Variants in BCL11B observed in about 807,000 individuals in gnomAD.
The protein encoded by BCL11B is B-cell lymphoma/leukemia 11B.
BCL11B carries 8 observed loss-of-function variants against 49.9 expected under a neutral mutation model. The ratio of observed to expected loss-of-function variants is 0.16; its 90% CI spans 0.09 to 0.29. The LOEUF (loss-of-function observed/expected upper bound fraction) is 0.29, where lower values mean the gene tolerates loss of function less well. Ranked by LOEUF, BCL11B falls within the 10% of genes least tolerant of loss-of-function variation. The pLI, the probability that BCL11B is intolerant of heterozygous loss-of-function variation, is 1.00. For synonymous variants in BCL11B, 739 were observed against 637.4 expected, an observed-to-expected ratio of 1.16 and a Z score of -2.40; for missense variants, 1,006 against 1,351.0, an observed-to-expected ratio of 0.74 and a Z score of 4.00.
At chr14:99,198,127 C>G (rs1360034990) in intron 3 of BCL11B, among the ~76,000 whole-genome samples, 1 of 152,198 alleles carries the variant, frequency 6.6e-6, no homozygotes, top group African/African-American at 2.4e-5. Flanking sequence ...GGGTGCCCAG[C>G]TAGAAACTTT....
chr14:99,226,846 C>T (rs960594607), intron 3 of BCL11B, among the ~76,000 whole-genome samples: 2 of 152,152 alleles, frequency 1.3e-5, no homozygotes, highest in African/African-American at 4.8e-5. Context: ...TCCCTTTAAC[C>T]CATGCCAAGA....
At position 99,175,095 on chromosome 14, in the gene BCL11B, C is replaced by G. The variant is rs1371186106; in HGVS notation, c.1741G>C (p.Gly581Arg). The G allele has an allele frequency of 6.3e-7, 1 of 1,599,344 alleles. No homozygotes were observed. Among genetic ancestry groups the G allele is most frequent in the Non-Finnish European group, 8.5e-7 (1 of 1,176,696 alleles). Residue 581 changes from glycine to arginine, a missense_variant, in exon 4 of 4, where the codon GGC becomes CGC. By Grantham distance (125) the Gly-to-Arg change is moderately radical. Around this residue, in one of 6 missense-constraint regions of BCL11B, gnomAD observed 443 missense variants for 499.7 expected, o/e 0.89. Coordinates refer to ENST00000357195, the MANE Select transcript of BCL11B (RefSeq NM_138576.4). ...TCAGCCAGCGCCTTGGCCGCGCCGC[C>G]CCCCGCGCCCGGGACCCCGGGCACC... is the stretch of plus-strand genomic sequence containing the variant. ...GGVPGVPGAG[G>R]GAAKALADEK...
At chr14:99,250,412 C>A (rs1200346968) in intron 2 of BCL11B, among the ~76,000 whole-genome samples, 1 of 151,876 alleles carries the variant, frequency 6.6e-6, no homozygotes, top group Admixed American at 6.6e-5. Context: ...TGGGCGACAG[C>A]GAGACTCTGT....
chr14:99,213,377 T>C lies in BCL11B; in HGVS notation c.640+17968A>G, dbSNP rs138847629. Among the ~76,000 whole-genome samples the C allele has an allele frequency of 6.1e-4, 93 of 152,190 alleles. No homozygotes were observed. In the Middle Eastern group the frequency reaches 0.041, roughly 67 times the overall value. ...GAATGCCCGGCACGTTATTCAGCAA[T>C]GAGGTATAATTGAATGGATTAACAT... is the stretch of plus-strand genomic sequence containing the variant. On this transcript the variant is annotated intron_variant, in intron 3 of 3. Coordinates refer to ENST00000357195, the MANE Select transcript of BCL11B (RefSeq NM_138576.4). The surrounding 1 kb of genome is among the most constrained non-coding windows in gnomAD (Gnocchi z 5.1).
chr14:99,244,755 G>C (rs776319257), intron 2 of BCL11B, among the ~76,000 whole-genome samples: 1 of 152,174 alleles, frequency 6.6e-6, no homozygotes, highest in Non-Finnish European at 1.5e-5. Flanking sequence ...CTCAAAGTTC[G>C]GGTTAGCTAA....
chr14:99,216,844 C>T (rs1231234487), intron 3 of BCL11B, among the ~76,000 whole-genome samples: 6 of 152,094 alleles, frequency 3.9e-5, no homozygotes, highest in African/African-American at 9.7e-5. Context: ...CACACAAAAA[C>T]ACTCATACAC....
intron 2 of BCL11B, among the ~76,000 whole-genome samples, chr14:99,245,810 G>A (rs909019953): frequency 5.9e-5 from 9 of 152,276 alleles, no homozygotes; most frequent in Admixed American, 4.6e-4. Context: ...GCGCACAAAG[G>A]GGCCCGGGGC....
chr14:99,230,650 GGCCCATCT>G (rs1398568732), intron 3 of BCL11B, among the ~76,000 whole-genome samples: 2 of 152,196 alleles, frequency 1.3e-5, no homozygotes, highest in East Asian at 3.9e-4. Flanking sequence ...TCACCACACC[GGCCCATCT>G]GCCCATCTGT....
chr14:99,212,667 C>T (rs548529221), intron 3 of BCL11B, among the ~76,000 whole-genome samples: 2 of 152,240 alleles, frequency 1.3e-5, no homozygotes, highest in African/African-American at 4.8e-5. Flanking sequence ...ACCTCAGCCC[C>T]GACCTCAGCA....
At chr14:99,238,778 G>A (rs1888579599) in intron 2 of BCL11B, among the ~76,000 whole-genome samples, 1 of 152,162 alleles carries the variant, frequency 6.6e-6, no homozygotes, top group Admixed American at 6.5e-5. Flanking sequence ...TCATTCCTTT[G>A]CTCCTAGGCA....
intron 2 of BCL11B, among the ~76,000 whole-genome samples, chr14:99,238,050 C>T (rs1888555685): frequency 6.6e-6 from 1 of 152,122 alleles, no homozygotes; most frequent in South Asian, 2.1e-4. Context: ...TCCCCACAGG[C>T]CACCCACGAC....
intron 2 of BCL11B, among the ~76,000 whole-genome samples, chr14:99,245,753 C>A (rs1033692000): frequency 2.6e-5 from 4 of 152,166 alleles, no homozygotes; most frequent in African/African-American, 7.2e-5. Context: ...CGGGAGAGCG[C>A]CCAAGGGCCA....
rs1248253701 is a variant in BCL11B, at chr14:99,192,209, G to A, written c.641-16014C>T. Among the ~76,000 whole-genome samples the A allele has an allele frequency of 6.6e-6, 1 of 152,206 alleles. No individual in the cohort carries two copies. Among genetic ancestry groups the A allele is most frequent in the African/African-American group, 2.4e-5 (1 of 41,472 alleles). ...AATGCGTGTGTTTTGCTTGGCGGCTGTTCATAATACTGTCTTGGCAGCGTT... is the reference window on the plus strand; with the variant it reads ...AATGCGTGTGTTTTGCTTGGCGGCTATTCATAATACTGTCTTGGCAGCGTT... On this transcript the variant is annotated intron_variant, in intron 3 of 3. Coordinates refer to ENST00000357195, the MANE Select transcript of BCL11B (RefSeq NM_138576.4). The surrounding 1 kb of genome is among the most constrained non-coding windows in gnomAD (Gnocchi z 4.0).
intron 3 of BCL11B, among the ~76,000 whole-genome samples, chr14:99,219,351 T>C (rs1286728100): frequency 6.6e-6 from 1 of 152,198 alleles, no homozygotes; most frequent in Non-Finnish European, 1.5e-5. Flanking sequence ...CAATTTCTTA[T>C]TGTCTTAGGC....
At chr14:99,230,753 G>A (rs1409114610) in intron 3 of BCL11B, among the ~76,000 whole-genome samples, 3 of 152,120 alleles carry the variant, frequency 2.0e-5, no homozygotes, top group South Asian at 2.1e-4. Flanking sequence ...AGAGCCGGAC[G>A]CACAGCAGGT....
At chr14:99,250,382 C>T (rs1410014828) in intron 2 of BCL11B, among the ~76,000 whole-genome samples, 1 of 151,886 alleles carries the variant, frequency 6.6e-6, no homozygotes, top group Non-Finnish European at 1.5e-5. Flanking sequence ...GAGCTGAGAT[C>T]GCGCCCTTGC....
intron 1 of BCL11B, chr14:99,264,122 T>C (rs1889413190): frequency 6.7e-6 from 1 of 148,404 alleles, no homozygotes; most frequent in Admixed American, 6.7e-5. Context: ...TATTTAACAT[T>C]ATGCTTTTTT....
chr14:99,204,009 CT>C (rs1887462451), intron 3 of BCL11B, among the ~76,000 whole-genome samples: 1 of 152,188 alleles, frequency 6.6e-6, no homozygotes, highest in Non-Finnish European at 1.5e-5. Flanking sequence ...GATGGAAGGA[CT>C]TCCTCCTCAT....
chr14:99,245,896 C>T (rs1250515668), intron 2 of BCL11B, among the ~76,000 whole-genome samples: 1 of 152,046 alleles, frequency 6.6e-6, no homozygotes, highest in Non-Finnish European at 1.5e-5. Flanking sequence ...GGGGGCTGGC[C>T]CGGGGCCAGA....
Sources: allele counts gnomAD v4.1 joint callset (sites outside exome capture counted in the v4.1 genomes callset), GRCh38; gene constraint gnomAD v4.1.1; regional missense constraint gnomAD v4.1.1; non-coding constraint Gnocchi (gnomAD v3.1); transcripts MANE v1.5; gene names NCBI Gene and HGNC (gene_info 2026-07-23, HGNC 2026-07-21).